Variants in CCAR1 observed in about 807,000 individuals in gnomAD.
CCAR1 encodes the protein cell division cycle and apoptosis regulator protein 1.
CCAR1 carries 78 observed loss-of-function variants against 163.8 expected under a neutral mutation model. That is an observed-to-expected ratio of 0.48 (90% CI 0.40 to 0.57). The LOEUF (loss-of-function observed/expected upper bound fraction) is 0.57. CCAR1 is among the 20% of genes least tolerant of loss of function. CCAR1 has a pLI of 0.00. For missense variants in CCAR1, 1,019 were observed against 1,365.2 expected (o/e 0.75, Z 4.00); for synonymous variants, 443 against 460.7 (o/e 0.96, Z 0.49).
At chr10:68,730,386 G>A (rs1017447665) in intron 2 of CCAR1, among the ~76,000 whole-genome samples, 2 of 151,362 alleles carry the variant, frequency 1.3e-5, no homozygotes, top group African/African-American at 2.4e-5. Context: ...TGCCCAGGCT[G>A]GAGTGCAATG....
At position 68,756,960 on chromosome 10, in the gene CCAR1, A is replaced by G. The variant is rs2056403055; in HGVS notation, c.1837-334A>G. ...TGGTACATTTCAAAGGTCTGACTAAATCAGTCTTTGGGTGGCTTGAAAATT... is the reference window on the plus strand; with the variant it reads ...TGGTACATTTCAAAGGTCTGACTAAGTCAGTCTTTGGGTGGCTTGAAAATT... On this transcript the variant is annotated intron_variant, in intron 14 of 24. Transcript: ENST00000265872. This position sits in a 1 kb window ranked among gnomAD's most constrained non-coding sequence, Gnocchi z 5.1. Among the ~76,000 whole-genome samples, 2 of 152,234 alleles carry G rather than the reference A, an allele frequency of 1.3e-5. No individual in the cohort carries two copies. The highest frequency in any genetic ancestry group is 2.9e-5 in the Non-Finnish European group (2 of 68,046).
rs186324342 is a variant in CCAR1 at position 68,753,992 on chromosome 10, A to T, written c.1259A>T (p.Tyr420Phe). The T allele has an allele frequency of 6.2e-7, 1 of 1,613,998 alleles. No homozygotes were observed. The highest frequency in any genetic ancestry group is 1.3e-5 in the African/African-American group (1 of 75,046). The part of the protein sequence containing the change: ...PFQLGNYCNF[Y>F]VMHREVESLE... ...CAGCTGGGAAATTACTGCAATTTTT[A>T]TGTAATGCACAGAGAAGTAGAGTCC... Residue 420 changes from tyrosine (Y) to phenylalanine (F), a missense_variant, in exon 11 of 25, where the codon TAT becomes TTT. Coordinates refer to ENST00000265872, the MANE Select transcript of CCAR1 (RefSeq NM_018237.4).
chr10:68,770,437 TATC>T (rs1302445989), intron 17 of CCAR1, among the ~76,000 whole-genome samples: 2 of 152,190 alleles, frequency 1.3e-5, no homozygotes, highest in Admixed American at 6.6e-5. Context: ...AAGGTACACT[TATC>T]ATGAAGATTA....
chr10:68,791,338 G>A lies in CCAR1; in HGVS notation c.*72G>A. ...TAAAAATCATGATATAAGAATGTTT[G>A]AAGGTGATGCATGTTTGATTTTAGT... On this transcript the variant is annotated 3_prime_UTR_variant, in exon 25 of 25. Coordinates refer to ENST00000265872, the MANE Select transcript of CCAR1 (RefSeq NM_018237.4). The A allele has an allele frequency of 9.9e-7, 1 of 1,007,472 alleles. No individual in the cohort carries two copies. The highest frequency in any genetic ancestry group is 1.5e-6 in the Non-Finnish European group (1 of 668,470). 62.4% of individuals were successfully genotyped at this position (1,007,472 alleles called of 1,614,324 possible).
intron 11 of CCAR1, among the ~76,000 whole-genome samples, chr10:68,754,331 A>T (rs1775034780): frequency 1.3e-5 from 2 of 152,206 alleles, no homozygotes; most frequent in Admixed American, 6.5e-5. Context: ...TATTAATGAG[A>T]TATTTGGAAT....
intron 8 of CCAR1, 69 bp downstream of exon 8, chr10:68,747,635 T>G: frequency 7.1e-7 from 1 of 1,405,128 alleles, no homozygotes; most frequent in Non-Finnish European, 9.8e-7. Context: ...ATGCTTTTAA[T>G]TACAAAAAAA....
chr10:68,746,752 A>T (rs2056261206), intron 6 of CCAR1, among the ~76,000 whole-genome samples: 1 of 151,520 alleles, frequency 6.6e-6, no homozygotes, highest in African/African-American at 2.4e-5. Flanking sequence ...TAATTTTTGT[A>T]TTATTACTAG....
chr10:68,786,559 C>T lies in CCAR1; in HGVS notation c.2747C>T (p.Thr916Ile). 2 of 1,563,682 alleles carry T rather than the reference C, an allele frequency of 1.3e-6. No individual in the cohort carries two copies. The highest frequency in any genetic ancestry group is 1.7e-6 in the Non-Finnish European group (2 of 1,159,932). Reference protein sequence around the residue: ...RPSKDKEKEKTQMITINRDLL... With the variant: ...RPSKDKEKEKIQMITINRDLL... ...CCATTTTCTTAGGAAAAAGAAAAGACTCAAATGATCACAATTAACAGAGAT... is the reference window on the plus strand; with the variant it reads ...CCATTTTCTTAGGAAAAAGAAAAGATTCAAATGATCACAATTAACAGAGAT... Residue 916 changes from threonine (T) to isoleucine (I), a missense_variant, in exon 21 of 25, where the codon ACT becomes ATT. Transcript: ENST00000265872.
At chr10:68,755,629 A>C in intron 13 of CCAR1, 93 bp downstream of exon 13, 1 of 1,092,636 alleles carries the variant, frequency 9.2e-7, no homozygotes, top group East Asian at 2.5e-5. Flanking sequence ...GGCTTATTTT[A>C]GCAACCCTGG....
chr10:68,765,636 C>T (rs533001572), intron 16 of CCAR1, among the ~76,000 whole-genome samples: 3 of 152,028 alleles, frequency 2.0e-5, no homozygotes, highest in East Asian at 3.9e-4. Context: ...ATAATTTTTC[C>T]CCCTCTTTAC....
chr10:68,746,687 C>T lies in CCAR1; in HGVS notation c.519-474C>T, dbSNP rs1028999332. On this transcript the variant is annotated intron_variant, in intron 6 of 24. Coordinates refer to ENST00000265872, the MANE Select transcript of CCAR1 (RefSeq NM_018237.4). The stretch of plus-strand genomic sequence containing the variant: ...CCACCACCTGGGTTCAAGCAATTCT[C>T]CTGCCTCAGCCTCCTGAGTATTTGG... Among the ~76,000 whole-genome samples, 10 of 152,204 alleles carry T rather than the reference C, an allele frequency of 6.6e-5. No individual in the cohort carries two copies. The East Asian group carries it at 1.7e-3, about 26-fold the overall frequency.
At chr10:68,784,374 C>CCCCACT (rs1390417140) in intron 19 of CCAR1, among the ~76,000 whole-genome samples, 1 of 152,022 alleles carries the variant, frequency 6.6e-6, no homozygotes, top group Admixed American at 6.6e-5. Flanking sequence ...CGCCACCACA[C>CCCCACT]CCCACTTATT....
intron 21 of CCAR1, 72 bp from the exon 22 acceptor site, chr10:68,787,855 A>G: frequency 4.2e-6 from 6 of 1,416,462 alleles, no homozygotes; most frequent in Middle Eastern, 1.9e-4. Context: ...TGAAAATTAT[A>G]TCATAGTTTT....
At chr10:68,740,717 CT>C in intron 5 of CCAR1, 56 bp downstream of exon 5, 1 of 1,334,392 alleles carries the variant, frequency 7.5e-7, no homozygotes, top group Non-Finnish European at 1.1e-6. Flanking sequence ...TAGACTAAAG[CT>C]TTATTAGTAT....
intron 4 of CCAR1, 84 bp downstream of exon 4, chr10:68,737,973 A>G (rs1471626381): frequency 1.1e-6 from 1 of 904,946 alleles, no homozygotes; most frequent in Non-Finnish European, 1.7e-6. Flanking sequence ...TTTTATTTCT[A>G]TCAGCTACCT....
At chr10:68,775,792 T>G (rs1182239887) in intron 19 of CCAR1, among the ~76,000 whole-genome samples, 1 of 142,806 alleles carries the variant, frequency 7.0e-6, no homozygotes, top group African/African-American at 2.6e-5. Flanking sequence ...TGTCTCCCAG[T>G]TTCAAGCAAT....
At chr10:68,783,348 T>C (rs2056758628) in intron 19 of CCAR1, among the ~76,000 whole-genome samples, 1 of 151,934 alleles carries the variant, frequency 6.6e-6, no homozygotes, top group Non-Finnish European at 1.5e-5. Context: ...TAATTTTTTG[T>C]GTTTTTAGTA....
Position 68,722,501 on chromosome 10 carries a change from C to T in CCAR1, c.-4C>T, listed in dbSNP as rs369109457. ...CAAGGGAAGGTTTTTTTTCCTTTTG[C>T]ATCATGGCTCAATTTGGAGGACAGA... is the stretch of plus-strand genomic sequence containing the variant. On this transcript the variant is annotated 5_prime_UTR_variant, in exon 2 of 25. Transcript: ENST00000265872. 61 of 1,612,706 alleles carry T rather than the reference C, an allele frequency of 3.8e-5. No individual in the cohort carries two copies. Among genetic ancestry groups the T allele is most frequent in the Non-Finnish European group, 2.5e-5 (29 of 1,178,930 alleles).
chr10:68,779,904 G>C (rs533575473), intron 19 of CCAR1, among the ~76,000 whole-genome samples: 39 of 152,086 alleles, frequency 2.6e-4, no homozygotes, highest in Non-Finnish European at 4.4e-4. Flanking sequence ...ATTTTTAAAG[G>C]GTTTTTGTAG....
Sources: allele counts gnomAD v4.1 joint callset (sites outside exome capture counted in the v4.1 genomes callset), GRCh38; gene constraint gnomAD v4.1.1; non-coding constraint Gnocchi (gnomAD v3.1); transcripts MANE v1.5; gene names NCBI Gene and HGNC (gene_info 2026-07-23, HGNC 2026-07-21).